LPIN2: variants seen among roughly 807,000 people sequenced by gnomAD.
The protein encoded by LPIN2 is lipin 2, also known as phosphatidate phosphatase LPIN2.
In LPIN2, 55 loss-of-function variants were observed where a neutral mutation model predicts 111.4. That is an observed-to-expected ratio of 0.49 (90% CI 0.40 to 0.62). The LOEUF is 0.62. Among genes scored for constraint, LPIN2 ranks in the 20% least tolerant of loss-of-function variants. The probability of loss-of-function intolerance (pLI) is 0.00; values close to 1 mark genes in which losing one functional copy is unlikely to be tolerated. For missense variants in LPIN2, 992 were observed against 1,112.1 expected, an observed-to-expected ratio of 0.89 and a Z score of 1.54; for synonymous variants, 425 against 414.0, an observed-to-expected ratio of 1.03 and a Z score of -0.32.
Position 2,923,900 on chromosome 18 carries a change from CA to C in LPIN2, c.2088-40del, listed in dbSNP as rs757147310. ...AGAAACAGGAAAAGCTATCAGGAAT[CA>C]AACACATACAGCGTTTTCCTATTTG... is the stretch of plus-strand genomic sequence containing the variant. On this transcript the variant is annotated intron_variant, in intron 15 of 19. Transcript: ENST00000677752. 5.3e-6 allele frequency: 8 copies of C among 1,509,330 alleles called. No homozygotes were observed. The East Asian group carries it at 1.8e-4, about 34-fold the overall frequency. 93.5% of individuals were successfully genotyped at this position (1,509,330 alleles called of 1,614,324 possible). A position where few individuals can be genotyped will look rare whatever the true frequency, so the allele number is the denominator to read the frequency against.
At chr18:2,971,851 G>T (rs2077921042) in intron 1 of LPIN2, among the ~76,000 whole-genome samples, 1 of 151,334 alleles carries the variant, frequency 6.6e-6, no homozygotes, top group South Asian at 2.1e-4. Context: ...AGGGGTTTGA[G>T]ACCAGCCTGG....
intron 7 of LPIN2, among the ~76,000 whole-genome samples, chr18:2,936,041 T>TG (rs1323556363): frequency 2.6e-5 from 4 of 152,330 alleles, no homozygotes; most frequent in Non-Finnish European, 5.9e-5. Flanking sequence ...AGGCCTTTGG[T>TG]GGAAGAGCAG....
intron 4 of LPIN2, among the ~76,000 whole-genome samples, chr18:2,942,477 G>A (rs2144219072): frequency 6.6e-6 from 1 of 152,278 alleles, no homozygotes; most frequent in East Asian, 1.9e-4. Context: ...TTTCTAACCG[G>A]AATTTTTATA....
Position 2,925,124 on chromosome 18 carries a change from T to C in LPIN2, c.1938+100A>G, listed in dbSNP as rs2077111108. 6.9e-7 allele frequency: 1 copy of C among 1,442,122 alleles called. No individual in the cohort carries two copies. The highest frequency in any genetic ancestry group is 1.7e-5 in the Admixed American group (1 of 58,618). 89.3% of individuals were successfully genotyped at this position (1,442,122 alleles called of 1,614,324 possible). A position where few individuals can be genotyped will look rare whatever the true frequency, so the allele number is the denominator to read the frequency against. On this transcript the variant is annotated intron_variant, in intron 14 of 19. Coordinates refer to ENST00000677752, the MANE Select transcript of LPIN2 (RefSeq NM_001375808.2). The surrounding 1 kb of genome is among the most constrained non-coding windows in gnomAD (Gnocchi z 4.1). ...ATTGACACGACCATGCCGTGTGGCGTGTATGCAGCTGGGGACGTGTGGACA... is the reference window on the plus strand; with the variant it reads ...ATTGACACGACCATGCCGTGTGGCGCGTATGCAGCTGGGGACGTGTGGACA...
At chr18:2,935,895 C>T (rs1285489221) in intron 7 of LPIN2, among the ~76,000 whole-genome samples, 1 of 152,162 alleles carries the variant, frequency 6.6e-6, no homozygotes, top group East Asian at 1.9e-4. Context: ...GTAAAAACCA[C>T]TCAGGGTTCC....
intron 18 of LPIN2, chr18:2,921,288 G>A: frequency 3.4e-6 from 2 of 592,386 alleles, no homozygotes; most frequent in South Asian, 4.0e-5. Flanking sequence ...TGAGGAAATG[G>A]AATGGCAGCC....
intron 1 of LPIN2, chr18:2,985,053 T>G (rs1598599795): frequency 1.3e-5 from 2 of 152,534 alleles, no homozygotes; most frequent in Non-Finnish European, 2.9e-5. Flanking sequence ...TGATAGTGTT[T>G]GTATTGTTTC....
At chr18:2,974,597 A>C (rs2077978854) in intron 1 of LPIN2, among the ~76,000 whole-genome samples, 1 of 152,244 alleles carries the variant, frequency 6.6e-6, no homozygotes, top group Non-Finnish European at 1.5e-5. Context: ...AACAAATTAC[A>C]TAAGCTGTAA....
chr18:2,996,555 G>T (rs1017912728), intron 1 of LPIN2, among the ~76,000 whole-genome samples: 1 of 128,004 alleles, frequency 7.8e-6, no homozygotes, highest in African/African-American at 3.0e-5. Flanking sequence ...TCAGCTCACT[G>T]CAAGCTCCGG....
chr18:2,929,130 A>G lies in LPIN2; in HGVS notation c.1485T>C (p.Tyr495=), dbSNP rs150124319. 4.4e-5 allele frequency: 70 copies of G among 1,606,354 alleles called. No homozygotes were observed. The highest frequency in any genetic ancestry group is 5.1e-5 in the Non-Finnish European group (60 of 1,173,268). Residue 495 remains tyrosine (Y), a synonymous_variant, in exon 10 of 20, where the codon TAT becomes TAC. Coordinates refer to ENST00000677752, the MANE Select transcript of LPIN2 (RefSeq NM_001375808.2). Reference sequence around the variant, plus strand: ...GTCCAGGGTTTTCTGCAAATTCGTGATAAGTAATGATATGCTCCATGAATT... The same window carrying G: ...GTCCAGGGTTTTCTGCAAATTCGTGGTAAGTAATGATATGCTCCATGAATT... The part of the protein sequence containing the change: ...KEKFMEHIIT[Y]HEFAENPGLI...
chr18:2,938,957 C>G (rs562256662), intron 6 of LPIN2, among the ~76,000 whole-genome samples: 2 of 152,286 alleles, frequency 1.3e-5, no homozygotes, highest in South Asian at 4.2e-4. Flanking sequence ...AGTTTGCGAT[C>G]AGGCCAAGCT....
rs1568519739 is a variant in LPIN2 at position 2,927,806 on chromosome 18, T to G, written c.1626A>C (p.Thr542=). Residue 542 remains threonine, a synonymous_variant, in exon 12 of 20, where the codon ACA becomes ACC. Coordinates refer to ENST00000677752, the MANE Select transcript of LPIN2 (RefSeq NM_001375808.2). ...TCTTGTCTTTCACCCAGGACTCAAC[T>G]GTGGCCTGAAAACAACCAACCTGGG... is the stretch of plus-strand genomic sequence containing the variant. ...QVFQKSLPKA[T]VESWVKDKMP... is the part of the protein sequence containing the mutation. 2 of 1,614,168 alleles carry G rather than the reference T, an allele frequency of 1.2e-6. No homozygotes were observed. The highest frequency in any genetic ancestry group is 1.7e-6 in the Non-Finnish European group (2 of 1,180,004).
At chr18:2,981,331 C>G (rs565820437) in intron 1 of LPIN2, among the ~76,000 whole-genome samples, 1 of 152,310 alleles carries the variant, frequency 6.6e-6, no homozygotes, top group Non-Finnish European at 1.5e-5. Flanking sequence ...TTATCCCAAA[C>G]GTTAGCATTA....
At position 2,934,421 on chromosome 18, in the gene LPIN2, G is replaced by C; in HGVS notation, c.1198C>G (p.Pro400Ala). 1 of 1,613,530 alleles carries C rather than the reference G, an allele frequency of 6.2e-7. No individual in the cohort carries two copies. The highest frequency in any genetic ancestry group is 8.5e-7 in the Non-Finnish European group (1 of 1,179,694). Reference protein sequence around the residue: ...GVHKRSQHQGPDDIYLDDLKG... With the variant: ...GVHKRSQHQGADDIYLDDLKG... ...AAGTCATCAAGGTAAATATCATCAG[G>C]TCCCTGGTGTTGGCTTCTTTTGTGA... is the stretch of plus-strand genomic sequence containing the variant. Residue 400 changes from proline (P) to alanine (A), a missense_variant, in exon 8 of 20, where the codon CCT becomes GCT. Physicochemically the swap from Pro to Ala is conservative, Grantham distance 27. This residue lies in a region of LPIN2 where 709 missense variants were observed against 753.2 expected (regional missense o/e 0.94). Coordinates refer to ENST00000677752, the MANE Select transcript of LPIN2 (RefSeq NM_001375808.2).
At chr18:3,006,425 C>T (rs1019628279) in intron 1 of LPIN2, among the ~76,000 whole-genome samples, 1 of 152,134 alleles carries the variant, frequency 6.6e-6, no homozygotes, top group African/African-American at 2.4e-5. Context: ...ATTTGTTGAC[C>T]GGGCACAGTG....
chr18:2,985,392 T>C (rs973786644), intron 1 of LPIN2: 1 of 152,122 alleles, frequency 6.6e-6, no homozygotes, highest in African/African-American at 2.4e-5. Flanking sequence ...AAAATAAAAA[T>C]AAATGACTAC....
At chr18:3,004,569 A>AATAC (rs2078483069) in intron 1 of LPIN2, among the ~76,000 whole-genome samples, 1 of 152,184 alleles carries the variant, frequency 6.6e-6, no homozygotes, top group Non-Finnish European at 1.5e-5. Context: ...AGTGCCATGT[A>AATAC]ACCCAGGAGT....
chr18:3,010,824 GAC>G (rs1165599823), intron 1 of LPIN2, among the ~76,000 whole-genome samples: 4 of 152,088 alleles, frequency 2.6e-5, no homozygotes, highest in South Asian at 2.1e-4. Flanking sequence ...AAAAATCGCT[GAC>G]ACAGAGAACC....
intron 1 of LPIN2, among the ~76,000 whole-genome samples, chr18:2,990,479 G>A (rs1272251385): frequency 6.6e-6 from 1 of 152,152 alleles, no homozygotes; most frequent in Non-Finnish European, 1.5e-5. Flanking sequence ...AAAGGATCTA[G>A]ATAAACCCTT....
Sources: allele counts gnomAD v4.1 joint callset (sites outside exome capture counted in the v4.1 genomes callset), GRCh38; gene constraint gnomAD v4.1.1; regional missense constraint gnomAD v4.1.1; non-coding constraint Gnocchi (gnomAD v3.1); transcripts MANE v1.5; gene names NCBI Gene and HGNC (gene_info 2026-07-23, HGNC 2026-07-21).